The following BICC1 variants were observed in gnomAD, a reference collection of about 807,000 sequenced individuals.
BICC1 encodes protein bicaudal C homolog 1.
A neutral mutation model predicts 111.0 loss-of-function variants in BICC1; 43 were observed. The observed-to-expected ratio is 0.39, with a 90% CI of 0.30 to 0.50. BICC1 has a LOEUF of 0.50. Ranked by LOEUF, BICC1 falls within the 20% of genes least tolerant of loss-of-function variation. The pLI is 0.88. For missense variants in BICC1, 1,091 were observed against 1,203.2 expected (o/e 0.91, Z 1.38); for synonymous variants, 467 against 434.4 (o/e 1.07, Z -0.93).
At chr10:58,623,335 T>C (rs1357991351) in intron 2 of BICC1, among the ~76,000 whole-genome samples, 1 of 152,202 alleles carries the variant, frequency 6.6e-6, no homozygotes. Context: ...AAACATATTA[T>C]CTCAAATTTG....
chr10:58,817,851 C>T (rs1844143842), intron 19 of BICC1, 129 bp downstream of exon 19: 1 of 919,440 alleles, frequency 1.1e-6, no homozygotes, highest in South Asian at 2.1e-5. Context: ...ATAGCTTGTC[C>T]TTGCTACTAA....
At chr10:58,634,486 T>C (rs554721269) in intron 2 of BICC1, among the ~76,000 whole-genome samples, 1 of 152,328 alleles carries the variant, frequency 6.6e-6, no homozygotes, top group African/African-American at 2.4e-5. Flanking sequence ...TTATTTGTTC[T>C]GAAAGTAAGG....
At chr10:58,719,557 A>G (rs922667575) in intron 3 of BICC1, among the ~76,000 whole-genome samples, 2 of 151,726 alleles carry the variant, frequency 1.3e-5, no homozygotes, top group African/African-American at 4.8e-5. Context: ...CCCAGGCTGG[A>G]GTGCAGTGGC....
At chr10:58,755,142 T>C (rs184043812) in intron 3 of BICC1, among the ~76,000 whole-genome samples, 1 of 152,182 alleles carries the variant, frequency 6.6e-6, no homozygotes, top group Admixed American at 6.5e-5. Context: ...TTTCATAGAG[T>C]TGTTTTGGGC....
At chr10:58,544,408 T>G (rs1338196675) in intron 1 of BICC1, among the ~76,000 whole-genome samples, 10 of 152,186 alleles carry the variant, frequency 6.6e-5, no homozygotes, top group Non-Finnish European at 8.8e-5. Flanking sequence ...GCTCAGCTAC[T>G]AAATTAAATT....
intron 2 of BICC1, among the ~76,000 whole-genome samples, chr10:58,694,718 G>T (rs908782130): frequency 1.3e-5 from 2 of 152,158 alleles, no homozygotes; most frequent in African/African-American, 2.4e-5. Context: ...ATATGTGTTT[G>T]GGGGTGGTGG....
intron 17 of BICC1, 31 bp from the exon 18 acceptor site, chr10:58,813,799 T>TA: frequency 6.2e-7 from 1 of 1,606,386 alleles, no homozygotes; most frequent in Admixed American, 1.7e-5. Flanking sequence ...CCTGATTAAA[T>TA]ATTTCCTTAT....
chr10:58,698,933 CAAT>C (rs1223884520), intron 2 of BICC1, among the ~76,000 whole-genome samples: 1 of 152,174 alleles, frequency 6.6e-6, no homozygotes, highest in Non-Finnish European at 1.5e-5. Context: ...AGATTACACA[CAAT>C]GATGAACAAA....
rs888193691 is a variant in BICC1 at position 58,638,748 on chromosome 10, G to A, written c.237+17847G>A. ...GGAGAAAGCAGGCAGAGATAGTCCC[G>A]GCACTGGGTATCTCTTCAAGGCCTC... On this transcript the variant is annotated intron_variant, in intron 2 of 20. Coordinates refer to ENST00000373886, the MANE Select transcript of BICC1 (RefSeq NM_001080512.3). Among the ~76,000 whole-genome samples the A allele has an allele frequency of 3.3e-5, 5 of 152,150 alleles. No homozygotes were observed. In the South Asian group the frequency reaches 8.3e-4, roughly 25 times the overall value.
At chr10:58,754,072 A>G (rs910008791) in intron 3 of BICC1, among the ~76,000 whole-genome samples, 1 of 152,186 alleles carries the variant, frequency 6.6e-6, no homozygotes, top group African/African-American at 2.4e-5. Context: ...CAGCCTAAAA[A>G]CAGCATACTG....
chr10:58,663,717 G>A (rs558522811), intron 2 of BICC1, among the ~76,000 whole-genome samples: 3 of 152,250 alleles, frequency 2.0e-5, no homozygotes, highest in Non-Finnish European at 2.9e-5. Context: ...GTTTCATCCC[G>A]AAACCATCTC....
intron 1 of BICC1, among the ~76,000 whole-genome samples, chr10:58,529,517 TAAAGC>T (rs1436245427): frequency 9.9e-5 from 15 of 151,976 alleles, no homozygotes; most frequent in Admixed American, 7.9e-4. Context: ...AAGCATCACT[TAAAGC>T]AAAGGCAATG....
intron 1 of BICC1, among the ~76,000 whole-genome samples, chr10:58,612,054 G>A (rs1376289736): frequency 1.3e-5 from 2 of 152,198 alleles, no homozygotes; most frequent in African/African-American, 4.8e-5. Context: ...AGAGGGAAAA[G>A]ATAGGGTCTG....
rs535243031 is a variant in BICC1 at position 58,813,706 on chromosome 10, T to G, written c.2377-124T>G. The G allele has an allele frequency of 4.0e-5, 40 of 988,694 alleles. No individual in the cohort carries two copies. In the African/African-American group the frequency reaches 5.2e-4, roughly 13 times the overall value. 61.2% of individuals were successfully genotyped at this position (988,694 alleles called of 1,614,324 possible). On this transcript the variant is annotated intron_variant, in intron 17 of 20. Transcript: ENST00000373886. ...CAGCCTTCCCGAGAGTCAACACTCATGAGTAACTGCGGTGGTTGGCAAGAG... is the reference window on the plus strand; with the variant it reads ...CAGCCTTCCCGAGAGTCAACACTCAGGAGTAACTGCGGTGGTTGGCAAGAG...
chr10:58,709,675 T>G (rs1239416657), intron 3 of BICC1, among the ~76,000 whole-genome samples: 1 of 152,242 alleles, frequency 6.6e-6, no homozygotes, highest in East Asian at 1.9e-4. Context: ...AATTATTGCC[T>G]TCCCAGATGA....
intron 2 of BICC1, among the ~76,000 whole-genome samples, chr10:58,684,161 A>G (rs189038706): frequency 3.9e-5 from 6 of 152,208 alleles, no homozygotes; most frequent in Admixed American, 3.3e-4. Flanking sequence ...GGTTTTGTTT[A>G]TATGATGGAT....
chr10:58,663,452 C>T (rs1383539966), intron 2 of BICC1, among the ~76,000 whole-genome samples: 2 of 152,164 alleles, frequency 1.3e-5, no homozygotes, highest in South Asian at 2.1e-4. Flanking sequence ...TCTTTCTTTT[C>T]CAACATGTCA....
Position 58,803,219 on chromosome 10 carries a change from C to A in BICC1, c.2158C>A (p.Arg720=), listed in dbSNP as rs1188162764. The change falls in exon 15 of 21, where the codon CGG becomes AGG. Residue 720 remains arginine, a synonymous_variant. Transcript: ENST00000373886. ...CTCCGAAAGGGCCCACCTTGCTCCACGGTCATCATATGTCAACATGCAGGT... is the reference window on the plus strand; with the variant it reads ...CTCCGAAAGGGCCCACCTTGCTCCAAGGTCATCATATGTCAACATGCAGGT... ...QNSERAHLAP[R]SSYVNMQAFD... 1.2e-6 allele frequency: 2 copies of A among 1,604,134 alleles called. No homozygotes were observed. Among genetic ancestry groups the A allele is most frequent in the South Asian group, 1.1e-5 (1 of 88,538 alleles).
chr10:58,778,651 A>C (rs2132754974), intron 3 of BICC1, among the ~76,000 whole-genome samples: 1 of 152,196 alleles, frequency 6.6e-6, no homozygotes. Context: ...GCAGCAGATA[A>C]ATTCTGACTA....
Sources: allele counts gnomAD v4.1 joint callset (sites outside exome capture counted in the v4.1 genomes callset), GRCh38; gene constraint gnomAD v4.1.1; transcripts MANE v1.5; gene names NCBI Gene and HGNC (gene_info 2026-07-23, HGNC 2026-07-21).